Variants in C1QL3 observed in about 807,000 individuals in gnomAD.
C1QL3 encodes complement C1q like 3.
A neutral mutation model predicts 16.6 loss-of-function variants in C1QL3; 4 were observed. That is an observed-to-expected ratio of 0.24 (90% CI 0.12 to 0.55). The LOEUF is 0.55. Ranked by LOEUF, C1QL3 falls within the 20% of genes least tolerant of loss-of-function variation. The pLI is 0.94. For synonymous variants in C1QL3, 189 were observed against 160.2 expected (o/e 1.18, Z -1.36); for missense variants, 269 against 365.6 (o/e 0.74, Z 2.16).
At chr10:16,518,754 C>A (rs1836990469) in intron 1 of C1QL3, among the ~76,000 whole-genome samples, 1 of 152,098 alleles carries the variant, frequency 6.6e-6, no homozygotes, top group South Asian at 2.1e-4. Flanking sequence ...TAAAAATCAT[C>A]TCTTCAGCCC....
In C1QL3 at chr10:16,520,775, G is replaced by A; in HGVS notation, c.291C>T (p.Gly97=). The change falls in exon 1 of 2, where the codon GGC becomes GGT. Residue 97 remains glycine, a synonymous_variant. Transcript: ENST00000298943. The surrounding 1 kb of genome is among the most constrained non-coding windows in gnomAD (Gnocchi z 8.3). ...CGGGCGGGCCCGGCAGGCCTTGGCGGCCCGGCTCGCCCTTCTCGCCCGGGG... is the reference window on the plus strand; with the variant it reads ...CGGGCGGGCCCGGCAGGCCTTGGCGACCCGGCTCGCCCTTCTCGCCCGGGG... ...MGPPGEKGEP[G]RQGLPGPPGA... is the part of the protein sequence containing the mutation. The A allele has an allele frequency of 3.9e-6, 5 of 1,292,938 alleles. No individual in the cohort carries two copies. Among genetic ancestry groups the A allele is most frequent in the Non-Finnish European group, 3.9e-6 (4 of 1,019,206 alleles). The allele number at this position is 1,292,938 out of a possible 1,614,324, so 80.1% of individuals were successfully genotyped here. A position where few individuals can be genotyped will look rare whatever the true frequency, so the allele number is the denominator to read the frequency against.
chr10:16,520,442 C>CCCA lies in C1QL3; in HGVS notation c.588+35_588+36insTGG. On this transcript the variant is annotated intron_variant, in intron 1 of 1. Transcript: ENST00000298943. The surrounding 1 kb of genome is among the most constrained non-coding windows in gnomAD (Gnocchi z 8.3). Reference sequence around the variant, plus strand: ...CCTCTCGCCCGCACCTTCCCGCGCTCCCTCCCCGCCCTCCCCGCCGCCCGC... The same window carrying CCCA: ...CCTCTCGCCCGCACCTTCCCGCGCTCCCACCTCCCCGCCCTCCCCGCCGCCCGC... 6 of 1,117,660 alleles carry CCCA rather than the reference C, an allele frequency of 5.4e-6. No homozygotes were observed. Among genetic ancestry groups the CCCA allele is most frequent in the Non-Finnish European group, 7.7e-6 (6 of 781,588 alleles). 69.2% of individuals were successfully genotyped at this position (1,117,660 alleles called of 1,614,324 possible).
At chr10:16,516,601 C>T (rs1836954962) in intron 1 of C1QL3, among the ~76,000 whole-genome samples, 3 of 152,104 alleles carry the variant, frequency 2.0e-5, no homozygotes, top group African/African-American at 7.2e-5. Flanking sequence ...TCTATGGTTA[C>T]TGGGCTTTAA....
Position 16,520,787 on chromosome 10 carries a change from C to T in C1QL3, c.279G>A (p.Lys93=). The T allele has an allele frequency of 7.7e-7, 1 of 1,302,154 alleles. No homozygotes were observed. Among genetic ancestry groups the T allele is most frequent in the Non-Finnish European group, 9.8e-7 (1 of 1,024,490 alleles). 80.7% of individuals were successfully genotyped at this position (1,302,154 alleles called of 1,614,324 possible). Residue 93 remains lysine (K), a synonymous_variant, in exon 1 of 2, where the codon AAG becomes AAA. Transcript: ENST00000298943. This position sits in a 1 kb window ranked among gnomAD's most constrained non-coding sequence, Gnocchi z 8.3. ...GCAGGCCTTGGCGGCCCGGCTCGCC[C>T]TTCTCGCCCGGGGGCCCCATGGGGC... ...PPGPMGPPGE[K]GEPGRQGLPG...
At position 16,520,763 on chromosome 10, in the gene C1QL3, CA is replaced by C; in HGVS notation, c.302del (p.Leu101ArgfsTer10). Reference sequence around the variant, plus strand: ...GGCCGGGCGCCCCGGGCGGGCCCGGCAGGCCTTGGCGGCCCGGCTCGCCCTT... The same window carrying C: ...GGCCGGGCGCCCCGGGCGGGCCCGGCGGCCTTGGCGGCCCGGCTCGCCCTT... ...GEKGEPGRQGLPGPPGAPGLN... is the reference protein window; with the variant it reads ...GEKGEPGRQGXPGPPGAPGLN... On this transcript the variant is annotated frameshift_variant, in exon 1 of 2. Transcript: ENST00000298943. LOFTEE classifies it high-confidence loss of function. The surrounding 1 kb of genome is among the most constrained non-coding windows in gnomAD (Gnocchi z 8.3). 7.6e-7 allele frequency: 1 copy of C among 1,315,006 alleles called. No homozygotes were observed. The highest frequency in any genetic ancestry group is 9.7e-7 in the Non-Finnish European group (1 of 1,031,184). 81.5% of individuals were successfully genotyped at this position (1,315,006 alleles called of 1,614,324 possible).
rs1015182154 is a variant in C1QL3 at position 16,520,250 on chromosome 10, G to C, written c.588+228C>G. Reference sequence around the variant, plus strand: ...CTCGCAGGGGCGCGCACCGATCGAGGGTCCCAGACTCCGGAACTGCCCTCT... The same window carrying C: ...CTCGCAGGGGCGCGCACCGATCGAGCGTCCCAGACTCCGGAACTGCCCTCT... On this transcript the variant is annotated intron_variant, in intron 1 of 1. Transcript: ENST00000298943. The surrounding 1 kb of genome is among the most constrained non-coding windows in gnomAD (Gnocchi z 8.3). 1.3e-5 allele frequency among the ~76,000 whole-genome samples: 2 copies of C among 152,068 alleles called. No homozygotes were observed. The highest frequency in any genetic ancestry group is 2.9e-5 in the Non-Finnish European group (2 of 67,990).
In C1QL3 at chr10:16,521,014, T is replaced by C. The variant is rs1564418565; in HGVS notation, c.52A>G (p.Thr18Ala). ...LIPVLVSSAG[T>A]SAHYEMLGTC... ...CCCAGCATCTCGTAGTGCGCCGACG[T>C]GCCGGCCGAGCTCACCAGCACCGGG... The change falls in exon 1 of 2, where the codon ACG becomes GCG. Residue 18 changes from threonine (T) to alanine (A), a missense_variant. Coordinates refer to ENST00000298943, the MANE Select transcript of C1QL3 (RefSeq NM_001010908.2). The C allele has an allele frequency of 6.3e-7, 1 of 1,599,532 alleles. No individual in the cohort carries two copies. Among genetic ancestry groups the C allele is most frequent in the African/African-American group, 1.3e-5 (1 of 74,658 alleles).
chr10:16,515,223 A>C (rs1836931466), intron 1 of C1QL3, among the ~76,000 whole-genome samples: 1 of 121,530 alleles, frequency 8.2e-6, no homozygotes, highest in African/African-American at 3.8e-5. Flanking sequence ...CTACTTACAA[A>C]GAAAAAAAAA....
intron 1 of C1QL3, among the ~76,000 whole-genome samples, chr10:16,517,707 T>G (rs1588641189): frequency 6.6e-6 from 1 of 152,326 alleles, no homozygotes. Context: ...TATGTTTCTG[T>G]GTCTGCAATA....
chr10:16,514,573 G>C lies in C1QL3; in HGVS notation c.723C>G (p.Asn241Lys). 1 of 1,613,822 alleles carries C rather than the reference G, an allele frequency of 6.2e-7. No homozygotes were observed. The highest frequency in any genetic ancestry group is 8.5e-7 in the Non-Finnish European group (1 of 1,179,790). The change falls in exon 2 of 2, where the codon AAC (asparagine) becomes AAG (lysine). Residue 241 changes from asparagine to lysine, a missense_variant. Asn to Lys is a moderately conservative substitution (Grantham distance 94). Coordinates refer to ENST00000298943, the MANE Select transcript of C1QL3 (RefSeq NM_001010908.2). ...LDGGKAHGGNNNKYSTFSGFI... is the reference protein window; with the variant it reads ...LDGGKAHGGNKNKYSTFSGFI... ...ATCCAGAAAACGTGCTGTATTTGTT[G>C]TTGTTTCCTCCATGGGCTTTCCCGC...
At chr10:16,514,827 G>A (rs1836923473) in intron 1 of C1QL3, 120 bp from the exon 2 acceptor site, 1 of 708,626 alleles carries the variant, frequency 1.4e-6, no homozygotes, top group African/African-American at 1.8e-5. Context: ...GCATAGCAAA[G>A]TCCATGTTGA....
Position 16,520,452 on chromosome 10 carries a change from C to CCAA in C1QL3, c.588+25_588+26insTTG. ...GCACCTTCCCGCGCTCCCTCCCCGC[C>CCAA]CTCCCCGCCGCCCGCCCGCGCTCAC... On this transcript the variant is annotated intron_variant, in intron 1 of 1. Transcript: ENST00000298943. This position sits in a 1 kb window ranked among gnomAD's most constrained non-coding sequence, Gnocchi z 8.3. 16 of 1,305,546 alleles carry CCAA rather than the reference C, an allele frequency of 1.2e-5. No individual in the cohort carries two copies. The highest frequency in any genetic ancestry group is 2.7e-5 in the East Asian group (1 of 36,888). 80.9% of individuals were successfully genotyped at this position (1,305,546 alleles called of 1,614,324 possible).
At position 16,520,786 on chromosome 10, in the gene C1QL3, C is replaced by G. The variant is rs1837028873; in HGVS notation, c.280G>C (p.Gly94Arg). 5.4e-6 allele frequency: 7 copies of G among 1,299,866 alleles called. No individual in the cohort carries two copies. In the Admixed American group the frequency reaches 3.0e-4, roughly 55 times the overall value. The allele number at this position is 1,299,866 out of a possible 1,614,324, so 80.5% of individuals were successfully genotyped here. ...GGCAGGCCTTGGCGGCCCGGCTCGC[C>G]CTTCTCGCCCGGGGGCCCCATGGGG... is the stretch of plus-strand genomic sequence containing the variant. ...PGPMGPPGEK[G>R]EPGRQGLPGP... is the part of the protein sequence containing the mutation. The change falls in exon 1 of 2, where the codon GGC (glycine) becomes CGC (arginine). Residue 94 changes from glycine (G) to arginine (R), a missense_variant. Gly to Arg is a moderately radical substitution (Grantham distance 125, BLOSUM62 -2). This residue lies in a region of C1QL3 where 246 missense variants were observed against 297.2 expected (regional missense o/e 0.83). Transcript: ENST00000298943. The surrounding 1 kb of genome is among the most constrained non-coding windows in gnomAD (Gnocchi z 8.3).
intron 1 of C1QL3, among the ~76,000 whole-genome samples, chr10:16,517,003 C>T (rs977103329): frequency 1.3e-5 from 2 of 152,206 alleles, no homozygotes; most frequent in African/African-American, 4.8e-5. Flanking sequence ...AAAGATATAA[C>T]AGGACTTGAA....
At chr10:16,516,853 C>T (rs1448990618) in intron 1 of C1QL3, among the ~76,000 whole-genome samples, 1 of 152,112 alleles carries the variant, frequency 6.6e-6, no homozygotes, top group Non-Finnish European at 1.5e-5. Context: ...TGGATCAAGC[C>T]AGTGTGGTTG....
At chr10:16,519,346 C>T (rs898844658) in intron 1 of C1QL3, among the ~76,000 whole-genome samples, 1 of 151,568 alleles carries the variant, frequency 6.6e-6, no homozygotes, top group East Asian at 1.9e-4. Context: ...ATGGCGATGC[C>T]AGGGTCGCGG....
In C1QL3 at chr10:16,520,901, C is replaced by T; in HGVS notation, c.165G>A (p.Leu55=). The T allele has an allele frequency of 6.5e-7, 1 of 1,548,140 alleles. No homozygotes were observed. Among genetic ancestry groups the T allele is most frequent in the Non-Finnish European group, 8.7e-7 (1 of 1,155,470 alleles). Reference sequence around the variant, plus strand: ...CTTTGGGGCCCTGGATGAAGGTGGGCAGGGACTGCATGAGGCCGCGGTCGG... The same window carrying T: ...CTTTGGGGCCCTGGATGAAGGTGGGTAGGGACTGCATGAGGCCGCGGTCGG... ...ATPDRGLMQS[L]PTFIQGPKGE... is the part of the protein sequence containing the mutation. Residue 55 remains leucine, a synonymous_variant, in exon 1 of 2, where the codon CTG becomes CTA. Coordinates refer to ENST00000298943, the MANE Select transcript of C1QL3 (RefSeq NM_001010908.2). This position sits in a 1 kb window ranked among gnomAD's most constrained non-coding sequence, Gnocchi z 8.3.
chr10:16,521,125 G>A lies in C1QL3; in HGVS notation c.-60C>T. ...CTCCTGCTGCCCACCAGCCGGCTCA[G>A]CGCGGGGCGATCCTCTTGTCTGCTT... On this transcript the variant is annotated 5_prime_UTR_variant, in exon 1 of 2. Coordinates refer to ENST00000298943, the MANE Select transcript of C1QL3 (RefSeq NM_001010908.2). 1 of 1,455,296 alleles carries A rather than the reference G, an allele frequency of 6.9e-7. No individual in the cohort carries two copies. The highest frequency in any genetic ancestry group is 9.3e-7 in the Non-Finnish European group (1 of 1,071,078). The allele number at this position is 1,455,296 out of a possible 1,614,324, so 90.1% of individuals were successfully genotyped here. A position where few individuals can be genotyped will look rare whatever the true frequency, so the allele number is the denominator to read the frequency against.
intron 1 of C1QL3, 150 bp from the exon 2 acceptor site, chr10:16,514,857 T>A: frequency 1.6e-6 from 1 of 625,764 alleles, no homozygotes; most frequent in Non-Finnish European, 2.8e-6. Flanking sequence ...TTTATGAGGA[T>A]AGTGCTGTGG....
Sources: gnomAD v4.1 joint callset for allele counts (sites outside exome capture counted in the v4.1 genomes callset) on GRCh38, gnomAD v4.1.1 for gene constraint, gnomAD v4.1.1 regional missense constraint, Gnocchi (gnomAD v3.1) non-coding constraint, MANE v1.5 for transcripts, NCBI Gene and HGNC (gene_info 2026-07-23, HGNC 2026-07-21) for gene names.